The following MEGF6 variants were observed in gnomAD, a reference collection of about 807,000 sequenced individuals.
MEGF6 encodes the protein multiple EGF like domains 6.
MEGF6 carries 184 observed loss-of-function variants against 207.1 expected under a neutral mutation model. That is an observed-to-expected ratio of 0.89 (90% CI 0.79 to 1.00). The LOEUF (loss-of-function observed/expected upper bound fraction) is 1.00. Among genes scored for constraint, MEGF6 ranks in the 50% least tolerant of loss-of-function variants. MEGF6 has a pLI of 0.00. For synonymous variants in MEGF6, 1,038 were observed against 910.0 expected (o/e 1.14, Z -2.53); for missense variants, 2,282 against 2,202.9 (o/e 1.04, Z -0.72).
chr1:3,552,622 C>T (rs897129930), intron 4 of MEGF6, among the ~76,000 whole-genome samples: 4 of 152,176 alleles, frequency 2.6e-5, no homozygotes, highest in Non-Finnish European at 4.4e-5. Flanking sequence ...GGCCTGAGCC[C>T]GGGAGTTCAA....
intron 3 of MEGF6, among the ~76,000 whole-genome samples, chr1:3,591,636 A>G (rs1021605373): frequency 6.7e-5 from 10 of 149,624 alleles, no homozygotes; most frequent in African/African-American, 2.2e-4. Context: ...GGGGGCTGCT[A>G]CCAAGGTCTC....
At chr1:3,611,035 G>T in intron 1 of MEGF6, 103 bp downstream of exon 1, 1 of 1,319,856 alleles carries the variant, frequency 7.6e-7, no homozygotes, top group Non-Finnish European at 9.8e-7. Flanking sequence ...CCATTGTTCT[G>T]GAGCCCCAGG....
At chr1:3,586,600 G>A (rs1324809414) in intron 3 of MEGF6, among the ~76,000 whole-genome samples, 1 of 152,190 alleles carries the variant, frequency 6.6e-6, no homozygotes, top group African/African-American at 2.4e-5. Context: ...CTGCATGGAG[G>A]AAAAGGGAGC....
At chr1:3,499,432 AG>A (rs1640755605) in intron 23 of MEGF6, among the ~76,000 whole-genome samples, 155 bp downstream of exon 23, 1 of 152,200 alleles carries the variant, frequency 6.6e-6, no homozygotes, top group Admixed American at 6.5e-5. Flanking sequence ...GCCACAAAAA[AG>A]GACCAACGCT....
chr1:3,492,752 T>C lies in MEGF6; in HGVS notation c.4403A>G (p.Gln1468Arg). The change falls in exon 35 of 37, where the codon CAG becomes CGG. Residue 1468 changes from glutamine (Q) to arginine (R), a missense_variant. By Grantham distance (43) the Gln-to-Arg change is conservative. Coordinates refer to ENST00000356575, the MANE Select transcript of MEGF6 (RefSeq NM_001409.4). The stretch of plus-strand genomic sequence containing the variant: ...GTGCAGGGTGCAGCTGGGCCCAAAC[T>C]GGCCCCTTCTGCAATCTGCAAGGCG... ...ATCNLDCRRG[Q>R]FGPSCTLHCD... The C allele has an allele frequency of 6.2e-7, 1 of 1,612,028 alleles. No homozygotes were observed. Among genetic ancestry groups the C allele is most frequent in the Non-Finnish European group, 8.5e-7 (1 of 1,179,510 alleles).
At chr1:3,582,342 G>A (rs1397389241) in intron 3 of MEGF6, among the ~76,000 whole-genome samples, 5 of 152,178 alleles carry the variant, frequency 3.3e-5, no homozygotes, top group African/African-American at 1.2e-4. Context: ...TCAGACCAGG[G>A]GTCTGGGAGA....
At chr1:3,545,866 A>C (rs1484756116) in intron 4 of MEGF6, among the ~76,000 whole-genome samples, 2 of 152,102 alleles carry the variant, frequency 1.3e-5, no homozygotes, top group African/African-American at 4.8e-5. Flanking sequence ...GAGCACACAG[A>C]ATCTGTTTCT....
chr1:3,496,544 G>C (rs1640612761), intron 29 of MEGF6, 111 bp downstream of exon 29: 1 of 1,477,064 alleles, frequency 6.8e-7, no homozygotes, highest in South Asian at 1.2e-5. Flanking sequence ...AGCCAGAGGG[G>C]GCTGAAGGGC....
At chr1:3,597,431 C>T (rs1409839375) in intron 2 of MEGF6, among the ~76,000 whole-genome samples, 2 of 152,190 alleles carry the variant, frequency 1.3e-5, no homozygotes, top group Non-Finnish European at 2.9e-5. Context: ...CCCACCCTGA[C>T]GCCCTGTCTC....
At chr1:3,505,386 G>T in intron 16 of MEGF6, 36 bp downstream of exon 16, 1 of 1,594,402 alleles carries the variant, frequency 6.3e-7, no homozygotes, top group Admixed American at 1.7e-5. Context: ...ACCGACCCTG[G>T]CGCCCCCCGC....
chr1:3,558,122 C>T (rs1191078866), intron 4 of MEGF6, among the ~76,000 whole-genome samples: 2 of 152,176 alleles, frequency 1.3e-5, no homozygotes, highest in African/African-American at 4.8e-5. Context: ...GCACTCACTG[C>T]CTGCAGGACA....
chr1:3,587,709 ATC>A (rs1264950251), intron 3 of MEGF6, among the ~76,000 whole-genome samples: 1 of 152,204 alleles, frequency 6.6e-6, no homozygotes, highest in Non-Finnish European at 1.5e-5. Context: ...GGACCTGGCT[ATC>A]TCTGAGCCTG....
At chr1:3,605,431 C>CA (rs949877204) in intron 1 of MEGF6, among the ~76,000 whole-genome samples, 4 of 152,006 alleles carry the variant, frequency 2.6e-5, no homozygotes, top group African/African-American at 9.7e-5. Flanking sequence ...CTTTCACACT[C>CA]AAAATCACAC....
chr1:3,529,615 C>T (rs536867528), intron 4 of MEGF6, among the ~76,000 whole-genome samples: 5 of 152,362 alleles, frequency 3.3e-5, no homozygotes, highest in South Asian at 2.1e-4. Flanking sequence ...CACAGCGACA[C>T]GGCTGTGCCA....
intron 4 of MEGF6, among the ~76,000 whole-genome samples, chr1:3,572,038 G>A (rs528473013): frequency 2.5e-4 from 35 of 141,140 alleles, no homozygotes; most frequent in South Asian, 1.2e-3. Context: ...GGTCCTTCCC[G>A]GGTGTGCTGG....
rs1475768441 is a variant in MEGF6, at chr1:3,560,869, G to A, written c.481+18956C>T. 8.9e-6 allele frequency: 4 copies of A among 447,552 alleles called. No individual in the cohort carries two copies. Among genetic ancestry groups the A allele is most frequent in the African/African-American group, 8.3e-5 (4 of 48,454 alleles). The allele number at this position is 447,552 out of a possible 1,614,324, so 27.7% of individuals were successfully genotyped here. A position where few individuals can be genotyped will look rare whatever the true frequency, so the allele number is the denominator to read the frequency against. On this transcript the variant is annotated intron_variant, in intron 4 of 36. Coordinates refer to ENST00000356575, the MANE Select transcript of MEGF6 (RefSeq NM_001409.4). The surrounding 1 kb of genome is among the most constrained non-coding windows in gnomAD (Gnocchi z 4.0). ...GTTGCTGGGCTGGCTGGTCCCCCAG[G>A]TCTCTACGCGAAGGGGGTGCTGGGC...
intron 3 of MEGF6, among the ~76,000 whole-genome samples, chr1:3,589,468 G>A (rs1055504302): frequency 1.3e-5 from 2 of 152,012 alleles, no homozygotes; most frequent in African/African-American, 4.8e-5. Context: ...CCAGGGACGT[G>A]CAAGGCCCAC....
chr1:3,498,666 G>T (rs759518247), intron 25 of MEGF6, 32 bp downstream of exon 25: 2 of 1,533,870 alleles, frequency 1.3e-6, no homozygotes, highest in Non-Finnish European at 1.8e-6. Context: ...AGCATGCTGG[G>T]GTATGTCCCT....
rs1640472438 is a variant in MEGF6 at position 3,493,692 on chromosome 1, G to A, written c.4387+79C>T. On this transcript the variant is annotated intron_variant, in intron 34 of 36. Coordinates refer to ENST00000356575, the MANE Select transcript of MEGF6 (RefSeq NM_001409.4). Reference sequence around the variant, plus strand: ...TGGTGGCCAGCCCAGGACTGGCACAGGTAGGGCCCAACCAATCAATATTGG... The same window carrying A: ...TGGTGGCCAGCCCAGGACTGGCACAAGTAGGGCCCAACCAATCAATATTGG... 5 of 1,553,456 alleles carry A rather than the reference G, an allele frequency of 3.2e-6. No individual in the cohort carries two copies. In the Admixed American group the frequency reaches 7.1e-5, roughly 22 times the overall value.
Sources: gnomAD v4.1 joint callset for allele counts (sites outside exome capture counted in the v4.1 genomes callset) on GRCh38, gnomAD v4.1.1 for gene constraint, Gnocchi (gnomAD v3.1) non-coding constraint, MANE v1.5 for transcripts, NCBI Gene and HGNC (gene_info 2026-07-23, HGNC 2026-07-21) for gene names.